The following COPB1 variants were observed in gnomAD, a reference collection of about 807,000 sequenced individuals.
COPB1 encodes coat protein complex I subunit beta 1, also known as coatomer subunit beta.
In COPB1, 21 loss-of-function variants were observed where a neutral mutation model predicts 108.7. The ratio of observed to expected loss-of-function variants is 0.19; its 90% CI spans 0.14 to 0.28. COPB1 has a LOEUF of 0.28. COPB1 is among the 10% of genes least tolerant of loss of function. The pLI, the probability that COPB1 is intolerant of heterozygous loss-of-function variation, is 1.00. For missense variants in COPB1, 919 were observed against 1,141.3 expected (o/e 0.81, Z 2.81); for synonymous variants, 378 against 386.8 (o/e 0.98, Z 0.27).
intron 12 of COPB1, 152 bp downstream of exon 12, chr11:14,476,767 T>C (rs1850529069): frequency 3.2e-5 from 17 of 530,464 alleles, no homozygotes; most frequent in African/African-American, 1.2e-4. Context: ...TGCTTCTTTT[T>C]TTTTTTTTTT....
At chr11:14,492,461 A>C (rs1375799243) in intron 4 of COPB1, among the ~76,000 whole-genome samples, 2 of 152,072 alleles carry the variant, frequency 1.3e-5, no homozygotes, top group African/African-American at 4.8e-5. Context: ...CTTCTGCTTC[A>C]GCCTCCTGAG....
chr11:14,458,074 A>ATTTTTTTTTTTTTTTTTTTTTTTTTTT (rs748562590), intron 21 of COPB1, among the ~76,000 whole-genome samples, 191 bp from the exon 22 acceptor site: 2 of 100,728 alleles, frequency 2.0e-5, no homozygotes, highest in Admixed American at 1.3e-4. Flanking sequence ...CCGTCACCAG[A>ATTTTTTTTTTTTTTTTTTTTTTTTTTT]TTTTTTTTTT....
chr11:14,491,849 TAAG>T (rs1474865643), intron 4 of COPB1, among the ~76,000 whole-genome samples: 1 of 152,234 alleles, frequency 6.6e-6, no homozygotes, highest in Non-Finnish European at 1.5e-5. Flanking sequence ...ATCAATATAT[TAAG>T]AATTACATTA....
chr11:14,496,383 T>C (rs1316706022), intron 2 of COPB1, among the ~76,000 whole-genome samples: 3 of 152,104 alleles, frequency 2.0e-5, no homozygotes, highest in African/African-American at 7.2e-5. Context: ...CAAAAATCAG[T>C]AGCATTTCTA....
At chr11:14,490,809 A>G (rs1303411019) in intron 4 of COPB1, 130 bp from the exon 5 acceptor site, 20 of 559,774 alleles carry the variant, frequency 3.6e-5, no homozygotes, top group Non-Finnish European at 5.0e-5. Flanking sequence ...TTTTTTTTGG[A>G]GACAGAGTCT....
intron 14 of COPB1, among the ~76,000 whole-genome samples, chr11:14,471,519 A>G (rs567465607): frequency 6.6e-6 from 1 of 152,244 alleles, no homozygotes; most frequent in African/African-American, 2.4e-5. Flanking sequence ...AAAGAGTTAC[A>G]AAATAAATTA....
intron 13 of COPB1, among the ~76,000 whole-genome samples, chr11:14,475,093 CAAAAAA>C (rs146181255): frequency 5.6e-5 from 4 of 71,572 alleles, no homozygotes; most frequent in Admixed American, 2.0e-4. Context: ...GACTCTGTGT[CAAAAAA>C]AAAAAAAAAA....
intron 11 of COPB1, among the ~76,000 whole-genome samples, chr11:14,477,618 G>A (rs1307812353): frequency 6.6e-6 from 1 of 151,962 alleles, no homozygotes; most frequent in Non-Finnish European, 1.5e-5. Flanking sequence ...CTTGAGGCCG[G>A]GCACAGTGGC....
chr11:14,484,600 C>T (rs905856374), intron 7 of COPB1, among the ~76,000 whole-genome samples: 1 of 152,266 alleles, frequency 6.6e-6, no homozygotes, highest in African/African-American at 2.4e-5. Flanking sequence ...CGCCTGTAGT[C>T]CCAGCTACTC....
In COPB1 at chr11:14,488,485, T is replaced by C. The variant is rs1390950258; in HGVS notation, c.699+7A>G. On this transcript the variant is annotated splice_region_variant and intron_variant, in intron 6 of 21. Transcript: ENST00000439561. The stretch of plus-strand genomic sequence containing the variant: ...TTATTTTACTCATCATAGATTATCA[T>C]TCTTACCTTATAAATCAGTTCAACA... 3 of 1,586,882 alleles carry C rather than the reference T, an allele frequency of 1.9e-6. No individual in the cohort carries two copies. Among genetic ancestry groups the C allele is most frequent in the African/African-American group, 1.3e-5 (1 of 74,552 alleles).
intron 7 of COPB1, among the ~76,000 whole-genome samples, chr11:14,484,886 C>A (rs926680084): frequency 1.3e-5 from 2 of 152,142 alleles, no homozygotes; most frequent in African/African-American, 4.8e-5. Context: ...ACAGCTCATT[C>A]TCTGAATAGA....
intron 12 of COPB1, 62 bp from the exon 13 acceptor site, chr11:14,476,007 A>T: frequency 7.2e-7 from 1 of 1,386,642 alleles, no homozygotes; most frequent in Non-Finnish European, 9.7e-7. Flanking sequence ...AATTATCTTT[A>T]AATATTTGAT....
chr11:14,477,028 A>G lies in COPB1; in HGVS notation c.1359-13T>C, dbSNP rs1214453996. ...TCCTCGGTAAATCCTAGCACAATAC[A>G]AGATCTGAAACATGAACTTGGCAGA... On this transcript the variant is annotated splice_polypyrimidine_tract_variant and intron_variant, in intron 11 of 21. Coordinates refer to ENST00000439561, the MANE Select transcript of COPB1 (RefSeq NM_001144061.2). 2 of 1,508,024 alleles carry G rather than the reference A, an allele frequency of 1.3e-6. No individual in the cohort carries two copies. The highest frequency in any genetic ancestry group is 2.3e-5 in the South Asian group (2 of 87,896). 93.4% of individuals were successfully genotyped at this position (1,508,024 alleles called of 1,614,324 possible).
chr11:14,458,568 A>G lies in COPB1; in HGVS notation c.2766T>C (p.Ala922=). 2 of 1,613,384 alleles carry G rather than the reference A, an allele frequency of 1.2e-6. No individual in the cohort carries two copies. The highest frequency in any genetic ancestry group is 8.5e-7 in the Non-Finnish European group (1 of 1,179,710). ...EKPIHQGPDA[A]VTGHIRIRAK... is the part of the protein sequence containing the mutation. ...CACGAATTCTTATATGGCCGGTAAC[A>G]GCAGCATCTGGTCCCTGGTGAATTG... is the stretch of plus-strand genomic sequence containing the variant. Residue 922 remains alanine, a synonymous_variant, in exon 21 of 22, where the codon GCT becomes GCC. Coordinates refer to ENST00000439561, the MANE Select transcript of COPB1 (RefSeq NM_001144061.2).
chr11:14,473,875 A>C (rs1443481072), intron 14 of COPB1: 2 of 152,032 alleles, frequency 1.3e-5, no homozygotes, highest in African/African-American at 2.4e-5. Flanking sequence ...TGCAAAGTAC[A>C]ATAAAATGAA....
intron 17 of COPB1, 139 bp from the exon 18 acceptor site, chr11:14,465,169 AC>A (rs1850259344): frequency 8.4e-7 from 1 of 1,183,748 alleles, no homozygotes; most frequent in Non-Finnish European, 1.1e-6. Flanking sequence ...AAGGAATATG[AC>A]GAATATGAGA....
At chr11:14,482,910 G>T in intron 8 of COPB1, 122 bp downstream of exon 8, 2 of 834,014 alleles carry the variant, frequency 2.4e-6, no homozygotes, top group Non-Finnish European at 3.5e-6. Context: ...CACTTTAGCT[G>T]ATCAAAATAT....
At chr11:14,469,791 T>G (rs781318575) in intron 14 of COPB1, among the ~76,000 whole-genome samples, 29 of 152,228 alleles carry the variant, frequency 1.9e-4, no homozygotes, top group Non-Finnish European at 3.5e-4. Context: ...CAGAGGCTTT[T>G]TAACTGTTTT....
rs1325595811 is a variant in COPB1 at position 14,480,922 on chromosome 11, A to G, written c.1066-17T>C. 11 of 1,613,702 alleles carry G rather than the reference A, an allele frequency of 6.8e-6. No homozygotes were observed. The highest frequency in any genetic ancestry group is 7.6e-6 in the Non-Finnish European group (9 of 1,179,736). ...AATAACCAGCTTATAGAATGAAGTA[A>G]AAATAAGTGAGAGTTACATCATATT... On this transcript the variant is annotated splice_polypyrimidine_tract_variant and intron_variant, in intron 9 of 21. Transcript: ENST00000439561.
Sources: gnomAD v4.1 joint callset for allele counts (sites outside exome capture counted in the v4.1 genomes callset) on GRCh38, gnomAD v4.1.1 for gene constraint, MANE v1.5 for transcripts, NCBI Gene and HGNC (gene_info 2026-07-23, HGNC 2026-07-21) for gene names.